Variants in COL5A2 observed in about 807,000 individuals in gnomAD.
COL5A2 encodes collagen type V alpha 2 chain, also known as collagen alpha-2(V) chain.
A neutral mutation model predicts 208.2 loss-of-function variants in COL5A2; 23 were observed. That is an observed-to-expected ratio of 0.11 (90% confidence interval 0.08 to 0.16). The LOEUF (loss-of-function observed/expected upper bound fraction) is 0.16. COL5A2 is among the 10% of genes least tolerant of loss of function. The probability of loss-of-function intolerance (pLI) is 1.00; values close to 1 mark genes in which losing one functional copy is unlikely to be tolerated. For missense variants in COL5A2, 1,590 were observed against 1,956.4 expected, an observed-to-expected ratio of 0.81 and a Z score of 3.53; for synonymous variants, 625 against 628.5, an observed-to-expected ratio of 0.99 and a Z score of 0.08.
At chr2:189,169,769 T>A (rs985297131) in intron 1 of COL5A2, among the ~76,000 whole-genome samples, 1 of 152,216 alleles carries the variant, frequency 6.6e-6, no homozygotes, top group African/African-American at 2.4e-5. Flanking sequence ...TGGAGCGCAA[T>A]GGCGCGATCT....
chr2:189,055,410 T>C (rs978745628), intron 35 of COL5A2, among the ~76,000 whole-genome samples: 1 of 152,198 alleles, frequency 6.6e-6, no homozygotes, highest in Admixed American at 6.5e-5. Flanking sequence ...AACTGTGTCT[T>C]GCCTCTTCAT....
chr2:189,173,100 A>C, intron 1 of COL5A2, among the ~76,000 whole-genome samples: 1 of 150,764 alleles, frequency 6.6e-6, no homozygotes, highest in East Asian at 2.0e-4. Context: ...CCTCCCGAGT[A>C]GCTTGAATTA....
intron 51 of COL5A2, among the ~76,000 whole-genome samples, chr2:189,038,500 A>G (rs1685488088): frequency 6.6e-6 from 1 of 152,166 alleles, no homozygotes. Context: ...ACATGAATTC[A>G]TGGGTCTTTT....
the COL5A2 span, among the ~76,000 whole-genome samples, chr2:189,399,530 G>A: frequency 2.0e-5 from 3 of 152,124 alleles, no homozygotes; most frequent in African/African-American, 4.8e-5. Flanking sequence ...AATTACAGGC[G>A]TGAGCCACTG....
the COL5A2 span, among the ~76,000 whole-genome samples, chr2:189,290,682 G>A: frequency 2.8e-5 from 4 of 143,258 alleles, no homozygotes; most frequent in African/African-American, 1.0e-4. Flanking sequence ...ACTGAAGGGA[G>A]AAGTAAGATA....
chr2:189,082,821 G>A (rs1652755017), intron 12 of COL5A2, among the ~76,000 whole-genome samples: 1 of 152,204 alleles, frequency 6.6e-6, no homozygotes, highest in Admixed American at 6.5e-5. Context: ...GACATGGGAA[G>A]TTCAAACCTG....
chr2:189,362,104 A>G, the COL5A2 span, among the ~76,000 whole-genome samples: 1 of 152,238 alleles, frequency 6.6e-6, no homozygotes, highest in African/African-American at 2.4e-5. Flanking sequence ...TTTGTAAGGT[A>G]ATTGCTTTCT....
intron 1 of COL5A2, among the ~76,000 whole-genome samples, chr2:189,201,920 T>C (rs1213193956): frequency 6.6e-6 from 1 of 151,508 alleles, no homozygotes; most frequent in African/African-American, 2.4e-5. Flanking sequence ...ATCTAAATAA[T>C]CCATTGATCA....
At chr2:189,070,998 G>C (rs1263167600) in intron 18 of COL5A2, among the ~76,000 whole-genome samples, 1 of 152,184 alleles carries the variant, frequency 6.6e-6, no homozygotes, top group Non-Finnish European at 1.5e-5. Flanking sequence ...ATTTGACTTG[G>C]TGATTCTCAC....
At chr2:189,247,634 C>T in the COL5A2 span, among the ~76,000 whole-genome samples, 5 of 150,378 alleles carry the variant, frequency 3.3e-5, no homozygotes, top group Non-Finnish European at 7.4e-5. Context: ...AGCTGGAGTG[C>T]AATGGCATGA....
chr2:189,377,930 C>T, the COL5A2 span, among the ~76,000 whole-genome samples: 3 of 152,148 alleles, frequency 2.0e-5, no homozygotes, highest in Admixed American at 6.5e-5. Flanking sequence ...CCAAAGTGCA[C>T]TTATTGGGTC....
At chr2:189,329,123 T>C in the COL5A2 span, among the ~76,000 whole-genome samples, 1 of 152,094 alleles carries the variant, frequency 6.6e-6, no homozygotes, top group African/African-American at 2.4e-5. Context: ...GATATATACA[T>C]GATAAAAAAT....
chr2:189,119,200 T>C (rs1442590499), intron 1 of COL5A2, among the ~76,000 whole-genome samples: 2 of 152,002 alleles, frequency 1.3e-5, no homozygotes. Flanking sequence ...CTTCATTGGG[T>C]AATTTCTCTA....
intron 1 of COL5A2, among the ~76,000 whole-genome samples, chr2:189,168,181 C>A (rs1424207258): frequency 6.6e-6 from 1 of 151,272 alleles, no homozygotes; most frequent in Non-Finnish European, 1.5e-5. Context: ...CTTCGTGATC[C>A]GCCCGTCTTG....
At chr2:189,416,378 G>C in the COL5A2 span, among the ~76,000 whole-genome samples, 1 of 152,182 alleles carries the variant, frequency 6.6e-6, no homozygotes, top group African/African-American at 2.4e-5. Flanking sequence ...ATACTATGCA[G>C]CCATAAAAAA....
chr2:189,073,250 C>G (rs200167760), intron 17 of COL5A2, among the ~76,000 whole-genome samples: 16 of 151,990 alleles, frequency 1.1e-4, no homozygotes, highest in Non-Finnish European at 2.2e-4. Context: ...CATAATTTAC[C>G]TTGTAGAGCT....
At chr2:189,117,977 T>C (rs893425344) in intron 1 of COL5A2, among the ~76,000 whole-genome samples, 4 of 152,124 alleles carry the variant, frequency 2.6e-5, no homozygotes, top group African/African-American at 9.6e-5. Context: ...AGAAGCTTTA[T>C]ATGGTAAAGT....
chr2:189,414,673 C>G, the COL5A2 span, among the ~76,000 whole-genome samples: 1 of 149,840 alleles, frequency 6.7e-6, no homozygotes, highest in East Asian at 2.0e-4. Flanking sequence ...GGCTTGAGCC[C>G]GGGAGACAGA....
At chr2:189,280,026 C>G in the COL5A2 span, among the ~76,000 whole-genome samples, 2 of 152,022 alleles carry the variant, frequency 1.3e-5, no homozygotes, top group African/African-American at 4.8e-5. Flanking sequence ...TCCATTCAAG[C>G]ATGTAAAGTT....
Sources: allele counts gnomAD v4.1 joint callset (sites outside exome capture counted in the v4.1 genomes callset), GRCh38; gene constraint gnomAD v4.1.1; transcripts MANE v1.5; gene names NCBI Gene and HGNC (gene_info 2026-07-23, HGNC 2026-07-21).